SYN2: variants seen among roughly 807,000 people sequenced by gnomAD.
SYN2 encodes the protein synapsin II.
In SYN2, 19 loss-of-function variants were observed where a neutral mutation model predicts 50.9. That is an observed-to-expected ratio of 0.37 (90% CI 0.26 to 0.55). The LOEUF is 0.55. Ranked by LOEUF, SYN2 falls within the 20% of genes least tolerant of loss-of-function variation. The pLI, the probability that SYN2 is intolerant of heterozygous loss-of-function variation, is 0.81. For synonymous variants in SYN2, 255 were observed against 224.9 expected, an observed-to-expected ratio of 1.13 and a Z score of -1.20; for missense variants, 587 against 576.4, an observed-to-expected ratio of 1.02 and a Z score of -0.19.
chr3:12,179,374 GAAAAAAAAA>G (rs536283283), intron 10 of SYN2, among the ~76,000 whole-genome samples: 84 of 92,572 alleles, frequency 9.1e-4, no homozygotes, highest in Admixed American at 4.5e-3. Flanking sequence ...AGAACTGAAA[GAAAAAAAAA>G]AAAAAAAAAA....
intron 1 of SYN2, among the ~76,000 whole-genome samples, chr3:12,057,698 A>G (rs1027683339): frequency 2.0e-5 from 3 of 152,166 alleles, no homozygotes; most frequent in African/African-American, 7.2e-5. Context: ...TTTATGGATA[A>G]CTGGTTTCCA....
chr3:12,077,621 C>T (rs993543287), intron 1 of SYN2, among the ~76,000 whole-genome samples: 3 of 152,104 alleles, frequency 2.0e-5, no homozygotes, highest in African/African-American at 7.2e-5. Flanking sequence ...GCTTCCAGCT[C>T]CATCCATGTC....
At chr3:12,170,213 GA>G (rs1697908494) in intron 10 of SYN2, among the ~76,000 whole-genome samples, 1 of 152,192 alleles carries the variant, frequency 6.6e-6, no homozygotes, top group African/African-American at 2.4e-5. Flanking sequence ...TGGGACTCAG[GA>G]TGCTCCCATT....
intron 1 of SYN2, among the ~76,000 whole-genome samples, chr3:12,019,854 A>G (rs1011233988): frequency 1.3e-5 from 2 of 152,138 alleles, no homozygotes; most frequent in African/African-American, 4.8e-5. Context: ...ATAACACCGA[A>G]ATAAAGCTGT....
intron 1 of SYN2, among the ~76,000 whole-genome samples, chr3:12,089,007 TAAAAG>T (rs1553613963): frequency 6.6e-6 from 1 of 152,182 alleles, no homozygotes; most frequent in Non-Finnish European, 1.5e-5. Flanking sequence ...TCAAAATTGC[TAAAAG>T]AATAGATTTT....
intron 1 of SYN2, among the ~76,000 whole-genome samples, chr3:12,023,094 G>C (rs1045844638): frequency 6.6e-6 from 1 of 151,980 alleles, no homozygotes; most frequent in Non-Finnish European, 1.5e-5. Flanking sequence ...CCTGAGCCTT[G>C]GTGTCCTTAT....
chr3:12,181,417 C>G (rs1442773824), intron 10 of SYN2, among the ~76,000 whole-genome samples: 2 of 152,108 alleles, frequency 1.3e-5, no homozygotes, highest in African/African-American at 4.8e-5. Context: ...AAGGCATGGG[C>G]CAGACTAGAG....
chr3:12,091,138 A>T (rs1035718343), intron 1 of SYN2, among the ~76,000 whole-genome samples: 1 of 152,114 alleles, frequency 6.6e-6, no homozygotes, highest in Non-Finnish European at 1.5e-5. Flanking sequence ...CAGAGGTGGG[A>T]TTGTAGAGAA....
chr3:12,070,404 CA>C, intron 1 of SYN2: 1 of 535,042 alleles, frequency 1.9e-6, no homozygotes, highest in Non-Finnish European at 3.8e-6. Flanking sequence ...AGGCCCAGAG[CA>C]AGCATGGCAT....
At chr3:12,152,527 T>C (rs1033410587) in intron 5 of SYN2, among the ~76,000 whole-genome samples, 1 of 152,168 alleles carries the variant, frequency 6.6e-6, no homozygotes, top group Non-Finnish European at 1.5e-5. Context: ...CTAGCAGGGC[T>C]GGCTGCTGGA....
intron 1 of SYN2, chr3:12,071,450 T>A (rs1030408230): frequency 1.0e-5 from 5 of 496,762 alleles, no homozygotes; most frequent in African/African-American, 9.8e-5. Flanking sequence ...CACTTCATGC[T>A]AGCCTCATGA....
At chr3:12,094,014 G>T (rs1023086772) in intron 1 of SYN2, among the ~76,000 whole-genome samples, 1 of 151,898 alleles carries the variant, frequency 6.6e-6, no homozygotes, top group Non-Finnish European at 1.5e-5. Flanking sequence ...ATGCCACCAC[G>T]CCCAGAATTT....
chr3:12,125,169 C>G (rs1696644708), intron 1 of SYN2, among the ~76,000 whole-genome samples: 1 of 152,074 alleles, frequency 6.6e-6, no homozygotes, highest in African/African-American at 2.4e-5. Context: ...CGTGTGCCAC[C>G]ATGCTTGGCT....
At position 12,190,601 on chromosome 3, in the gene SYN2, C is replaced by T; in HGVS notation, c.1725C>T (p.Ser575=). ...KAETIRSLRK[S]FASLFSD ...AGACCATCCGGAGCTTGAGGAAGTC[C>T]TTTGCCAGCCTCTTTTCAGATTAGC... Residue 575 remains serine (S), a synonymous_variant, in exon 13 of 13, where the codon TCC becomes TCT. Coordinates refer to ENST00000621198, the MANE Select transcript of SYN2 (RefSeq NM_133625.6). The T allele has an allele frequency of 6.2e-7, 1 of 1,613,120 alleles. No individual in the cohort carries two copies.
chr3:12,037,919 A>G (rs1349988004), intron 1 of SYN2, among the ~76,000 whole-genome samples: 3 of 152,068 alleles, frequency 2.0e-5, no homozygotes, highest in Non-Finnish European at 2.9e-5. Context: ...ATGAAGCCCA[A>G]TTTTTCTGTT....
At chr3:12,162,357 A>G (rs1030611492) in intron 7 of SYN2, among the ~76,000 whole-genome samples, 2 of 152,210 alleles carry the variant, frequency 1.3e-5, no homozygotes, top group Non-Finnish European at 2.9e-5. Flanking sequence ...TCTAAGGGAA[A>G]TTTAGCTTTC....
chr3:12,157,487 A>G, intron 5 of SYN2: 2 of 1,614,062 alleles, frequency 1.2e-6, no homozygotes, highest in Non-Finnish European at 1.7e-6. Flanking sequence ...GAATCACTGC[A>G]TAGGAAGAGA....
At chr3:12,182,272 G>A (rs1698238181) in intron 10 of SYN2, among the ~76,000 whole-genome samples, 1 of 152,202 alleles carries the variant, frequency 6.6e-6, no homozygotes, top group Non-Finnish European at 1.5e-5. Flanking sequence ...GAGGAGCACT[G>A]ATGGTGAAGC....
At chr3:12,123,078 C>T (rs1422110622) in intron 1 of SYN2, among the ~76,000 whole-genome samples, 1 of 151,984 alleles carries the variant, frequency 6.6e-6, no homozygotes, top group Non-Finnish European at 1.5e-5. Context: ...AAGAGAAGAA[C>T]ATGCAAGCAA....
Sources: gnomAD v4.1 joint callset for allele counts (sites outside exome capture counted in the v4.1 genomes callset) on GRCh38, gnomAD v4.1.1 for gene constraint, MANE v1.5 for transcripts, NCBI Gene and HGNC (gene_info 2026-07-23, HGNC 2026-07-21) for gene names.